The following TMCC1 variants were observed in gnomAD, a reference collection of about 807,000 sequenced individuals.
TMCC1 encodes the protein transmembrane and coiled-coil domain family 1.
Under a neutral mutation model 52.4 loss-of-function variants are expected in TMCC1, and 15 were observed. The observed-to-expected ratio is 0.29, with a 90% confidence interval of 0.19 to 0.44. The LOEUF is 0.44. TMCC1 is among the 20% of genes least tolerant of loss of function. The pLI is 1.00. For synonymous variants in TMCC1, 279 were observed against 301.9 expected, an observed-to-expected ratio of 0.92 and a Z score of 0.79; for missense variants, 503 against 806.0, an observed-to-expected ratio of 0.62 and a Z score of 4.55.
Position 129,745,025 on chromosome 3 carries a change from T to G in TMCC1, c.577-73761A>C, listed in dbSNP as rs149745554. 4.6e-5 allele frequency among the ~76,000 whole-genome samples: 7 copies of G among 152,312 alleles called. No homozygotes were observed. In the East Asian group the frequency reaches 1.3e-3, roughly 29 times the overall value. On this transcript the variant is annotated intron_variant, in intron 4 of 6. Transcript: ENST00000393238. ...CATTATCACACAATAATAGAGCAAT[T>G]TCAAGGGGAGATGTAGACATATTGA...
At chr3:129,847,065 T>G (rs780516400) in intron 2 of TMCC1, 3 of 152,078 alleles carry the variant, frequency 2.0e-5, no homozygotes, top group Non-Finnish European at 4.4e-5. Context: ...TCATGAAAAT[T>G]GTTTTATTAA....
intron 4 of TMCC1, among the ~76,000 whole-genome samples, chr3:129,746,684 A>T (rs1328899269): frequency 2.0e-5 from 3 of 152,232 alleles, no homozygotes; most frequent in African/African-American, 7.2e-5. Flanking sequence ...GAGCAAATGG[A>T]GCAATATAAG....
chr3:129,692,217 T>C (rs2108951574), intron 4 of TMCC1, among the ~76,000 whole-genome samples: 1 of 152,346 alleles, frequency 6.6e-6, no homozygotes, highest in Non-Finnish European at 1.5e-5. Context: ...TTAATATTAC[T>C]CTTCTTTTGT....
chr3:129,749,630 G>T (rs1034455142), intron 4 of TMCC1, among the ~76,000 whole-genome samples: 3 of 152,022 alleles, frequency 2.0e-5, no homozygotes, highest in African/African-American at 7.2e-5. Context: ...AATTTGATTT[G>T]CCAAGACTAA....
At chr3:129,673,755 G>A (rs1431977217) in intron 4 of TMCC1, among the ~76,000 whole-genome samples, 2 of 152,070 alleles carry the variant, frequency 1.3e-5, no homozygotes, top group Non-Finnish European at 2.9e-5. Flanking sequence ...GGAGGCTGAG[G>A]TGGGAGGATA....
chr3:129,708,558 T>C (rs2048414878), intron 4 of TMCC1, among the ~76,000 whole-genome samples: 1 of 152,236 alleles, frequency 6.6e-6, no homozygotes, highest in Non-Finnish European at 1.5e-5. Context: ...GCTTTTCATT[T>C]ATCTAGATTC....
chr3:129,814,550 T>C (rs140040725), intron 4 of TMCC1, among the ~76,000 whole-genome samples: 1 of 151,994 alleles, frequency 6.6e-6, no homozygotes, highest in African/African-American at 2.4e-5. Flanking sequence ...CCCTTACTTA[T>C]CAAAAATAAC....
rs141912495 is a variant in TMCC1, at chr3:129,685,434, A to G, written c.577-14170T>C. 1.9e-3 allele frequency among the ~76,000 whole-genome samples: 293 copies of G among 152,218 alleles called. 5 individuals are homozygous for G. The highest frequency in any genetic ancestry group is 2.4e-4 in the Non-Finnish European group (16 of 68,004). On this transcript the variant is annotated intron_variant, in intron 4 of 6. Transcript: ENST00000393238. ...AAAAAAAAAGATGAGAAGGGGACAG[A>G]TAAGGCTCATTGGAGGAGGTAACAA...
At chr3:129,704,825 G>A (rs770222985) in intron 4 of TMCC1, among the ~76,000 whole-genome samples, 20 of 152,156 alleles carry the variant, frequency 1.3e-4, no homozygotes, top group Non-Finnish European at 2.5e-4. Flanking sequence ...ATAAGAATCT[G>A]TACTGACCTG....
At chr3:129,884,803 A>AT (rs1221283575) in intron 1 of TMCC1, among the ~76,000 whole-genome samples, 4 of 152,100 alleles carry the variant, frequency 2.6e-5, no homozygotes, top group Non-Finnish European at 4.4e-5. Flanking sequence ...TAATTTATCG[A>AT]TTTTTTTCAC....
intron 1 of TMCC1, among the ~76,000 whole-genome samples, chr3:129,892,158 G>T (rs919415614): frequency 1.3e-5 from 2 of 152,148 alleles, no homozygotes; most frequent in African/African-American, 2.4e-5. Flanking sequence ...TACATCACAT[G>T]CTAATGAATT....
intron 4 of TMCC1, among the ~76,000 whole-genome samples, chr3:129,737,647 T>C (rs993744927): frequency 2.6e-5 from 4 of 152,110 alleles, no homozygotes; most frequent in Non-Finnish European, 4.4e-5. Flanking sequence ...AGAAATAAAT[T>C]TCTGTTGTTT....
intron 4 of TMCC1, among the ~76,000 whole-genome samples, chr3:129,765,745 G>C (rs2054071180): frequency 6.6e-6 from 1 of 152,120 alleles, no homozygotes; most frequent in Admixed American, 6.5e-5. Flanking sequence ...CTGGGTTATG[G>C]AGCTCAACTA....
Position 129,828,628 on chromosome 3 carries a change from T to C in TMCC1, c.-130-120A>G. On this transcript the variant is annotated intron_variant, in intron 3 of 6. Transcript: ENST00000393238. The surrounding 1 kb of genome is among the most constrained non-coding windows in gnomAD (Gnocchi z 4.1). Reference sequence around the variant, plus strand: ...CTACTGGCCAAACAAATAGGCACTATCATTAAGCAATCTTTAATCAGAAGA... The same window carrying C: ...CTACTGGCCAAACAAATAGGCACTACCATTAAGCAATCTTTAATCAGAAGA... 2.5e-6 allele frequency: 1 copy of C among 405,480 alleles called. No individual in the cohort carries two copies. Among genetic ancestry groups the C allele is most frequent in the Non-Finnish European group, 4.4e-6 (1 of 228,724 alleles). The allele number at this position is 405,480 out of a possible 1,614,324, so 25.1% of individuals were successfully genotyped here.
At chr3:129,705,161 C>T (rs1029328832) in intron 4 of TMCC1, among the ~76,000 whole-genome samples, 2 of 152,156 alleles carry the variant, frequency 1.3e-5, no homozygotes, top group African/African-American at 4.8e-5. Context: ...AGGCATTATT[C>T]CTACCCTTGA....
intron 4 of TMCC1, among the ~76,000 whole-genome samples, chr3:129,794,919 T>TG (rs1324148114): frequency 1.3e-5 from 2 of 151,886 alleles, no homozygotes; most frequent in East Asian, 1.9e-4. Context: ...TGAGGCAGTG[T>TG]GAAAAAAAAG....
intron 6 of TMCC1, among the ~76,000 whole-genome samples, chr3:129,652,965 A>T (rs2086434115): frequency 6.6e-6 from 1 of 152,222 alleles, no homozygotes; most frequent in South Asian, 2.1e-4. Context: ...TCCCCAGGCC[A>T]TGGTTACTTG....
intron 4 of TMCC1, among the ~76,000 whole-genome samples, chr3:129,754,780 T>A (rs575199744): frequency 6.6e-6 from 1 of 152,118 alleles, no homozygotes; most frequent in Non-Finnish European, 1.5e-5. Flanking sequence ...AAAAATCTTT[T>A]AAAAAACAGA....
intron 5 of TMCC1, among the ~76,000 whole-genome samples, chr3:129,661,983 T>G (rs1269621067): frequency 6.6e-6 from 1 of 152,160 alleles, no homozygotes; most frequent in Non-Finnish European, 1.5e-5. Flanking sequence ...AGAAACCAGG[T>G]ACAAATACCT....
Sources: gnomAD v4.1 joint callset for allele counts (sites outside exome capture counted in the v4.1 genomes callset) on GRCh38, gnomAD v4.1.1 for gene constraint, Gnocchi (gnomAD v3.1) non-coding constraint, MANE v1.5 for transcripts, NCBI Gene and HGNC (gene_info 2026-07-23, HGNC 2026-07-21) for gene names.